Variants in ITFG1 observed in about 807,000 individuals in gnomAD.
ITFG1 encodes the protein integrin alpha FG-GAP repeat containing 1.
Under a neutral mutation model 81.8 loss-of-function variants are expected in ITFG1, and 34 were observed. The observed-to-expected ratio is 0.42, with a 90% CI of 0.32 to 0.55. The LOEUF is 0.55. Ranked by LOEUF, ITFG1 falls within the 20% of genes least tolerant of loss-of-function variation. The probability of loss-of-function intolerance (pLI) is 0.17; values close to 1 mark genes in which losing one functional copy is unlikely to be tolerated. For missense variants in ITFG1, 672 were observed against 755.4 expected (o/e 0.89, Z 1.29); for synonymous variants, 285 against 270.6 (o/e 1.05, Z -0.52).
chr16:47,262,148 T>C (rs1211644877), intron 10 of ITFG1, among the ~76,000 whole-genome samples: 1 of 152,228 alleles, frequency 6.6e-6, no homozygotes, highest in Non-Finnish European at 1.5e-5. Flanking sequence ...AAATATATGA[T>C]TGGATTCAAA....
intron 6 of ITFG1, among the ~76,000 whole-genome samples, chr16:47,382,933 A>T (rs546225975): frequency 1.3e-5 from 2 of 152,224 alleles, no homozygotes; most frequent in African/African-American, 2.4e-5. Context: ...GGAGAAATGT[A>T]ATCAAGACAA....
intron 14 of ITFG1, among the ~76,000 whole-genome samples, chr16:47,180,640 C>A (rs893512136): frequency 6.6e-6 from 1 of 152,192 alleles, no homozygotes; most frequent in African/African-American, 2.4e-5. Context: ...CAGCCTCGGC[C>A]TCCCGAGGTG....
At chr16:47,173,809 G>C (rs1010623064) in intron 14 of ITFG1, among the ~76,000 whole-genome samples, 1 of 152,220 alleles carries the variant, frequency 6.6e-6, no homozygotes, top group African/African-American at 2.4e-5. Flanking sequence ...GGGAGGCTGA[G>C]GTGGGTGGAT....
chr16:47,291,196 T>A (rs77903195), intron 10 of ITFG1, among the ~76,000 whole-genome samples: 1 of 152,226 alleles, frequency 6.6e-6, no homozygotes, highest in African/African-American at 2.4e-5. Flanking sequence ...GGTCGTATCA[T>A]GTAAAACAAT....
chr16:47,232,869 G>A (rs1347194989), intron 13 of ITFG1, among the ~76,000 whole-genome samples: 1 of 151,950 alleles, frequency 6.6e-6, no homozygotes, highest in African/African-American at 2.4e-5. Flanking sequence ...TCAAACTCCT[G>A]GGCTCAAGAG....
chr16:47,182,339 TG>T lies in ITFG1; in HGVS notation c.1454-19676del, dbSNP rs1379832945. ...AAAATATGAGATGTCTAGTAGACGA[TG>T]GGAATCAAAAATTAAAGAGACAACT... On this transcript the variant is annotated intron_variant, in intron 14 of 17. Coordinates refer to ENST00000320640, the MANE Select transcript of ITFG1 (RefSeq NM_030790.5). 2.0e-5 allele frequency among the ~76,000 whole-genome samples: 3 copies of T among 151,246 alleles called. No homozygotes were observed. The East Asian group carries it at 5.8e-4, about 29-fold the overall frequency.
intron 10 of ITFG1, chr16:47,263,284 T>C: frequency 4.5e-6 from 2 of 446,184 alleles, no homozygotes; most frequent in Admixed American, 2.4e-5. Context: ...TGTATGCTTA[T>C]GGGGTTATGA....
At chr16:47,446,741 G>A (rs1969329156) in intron 5 of ITFG1, among the ~76,000 whole-genome samples, 1 of 152,028 alleles carries the variant, frequency 6.6e-6, no homozygotes, top group African/African-American at 2.4e-5. Flanking sequence ...TAATGAAAGA[G>A]GACTTAATCT....
rs145455329 is a variant in ITFG1 at position 47,373,431 on chromosome 16, A to G, written c.720+2445T>C. Among the ~76,000 whole-genome samples, 638 of 152,142 alleles carry G rather than the reference A, an allele frequency of 4.2e-3. 6 individuals are homozygous for G. Among genetic ancestry groups the G allele is most frequent in the African/African-American group, 0.015 (609 of 41,500 alleles). Reference sequence around the variant, plus strand: ...CGAATAGCTGGGACTACAGGTGTGCACCACTATACCAAGCTAATTTTCTAT... The same window carrying G: ...CGAATAGCTGGGACTACAGGTGTGCGCCACTATACCAAGCTAATTTTCTAT... On this transcript the variant is annotated intron_variant, in intron 7 of 17. Transcript: ENST00000320640.
At chr16:47,243,318 G>A (rs994296448) in intron 12 of ITFG1, among the ~76,000 whole-genome samples, 4 of 152,088 alleles carry the variant, frequency 2.6e-5, no homozygotes, top group Non-Finnish European at 1.5e-5. Flanking sequence ...GAGTAAAAGG[G>A]AGACCTACTT....
intron 6 of ITFG1, among the ~76,000 whole-genome samples, chr16:47,414,073 G>T (rs1397521412): frequency 6.6e-6 from 1 of 151,120 alleles, no homozygotes; most frequent in Non-Finnish European, 1.5e-5. Context: ...CACCCACCTT[G>T]GCCTCCCAAA....
intron 6 of ITFG1, among the ~76,000 whole-genome samples, chr16:47,419,753 C>T (rs1968920718): frequency 6.6e-6 from 1 of 151,826 alleles, no homozygotes; most frequent in Non-Finnish European, 1.5e-5. Flanking sequence ...CAAATGCCCA[C>T]AGTCATGCCC....
chr16:47,185,759 C>T (rs1965202523), intron 14 of ITFG1, among the ~76,000 whole-genome samples: 1 of 152,100 alleles, frequency 6.6e-6, no homozygotes, highest in South Asian at 2.1e-4. Context: ...TAACTAAAAT[C>T]AGAGCAGAAC....
intron 6 of ITFG1, among the ~76,000 whole-genome samples, chr16:47,392,121 G>C (rs1487606604): frequency 1.3e-5 from 2 of 152,172 alleles, no homozygotes; most frequent in African/African-American, 4.8e-5. Context: ...ATTGAGTAAA[G>C]ATCTGAAGGA....
intron 6 of ITFG1, among the ~76,000 whole-genome samples, chr16:47,401,303 T>C (rs1596959028): frequency 1.3e-5 from 2 of 152,288 alleles, no homozygotes; most frequent in East Asian, 1.9e-4. Flanking sequence ...TGTTGAAATA[T>C]CTGTGGGATA....
chr16:47,334,359 T>C (rs1302763805), intron 8 of ITFG1, among the ~76,000 whole-genome samples: 1 of 151,998 alleles, frequency 6.6e-6, no homozygotes, highest in Non-Finnish European at 1.5e-5. Flanking sequence ...CCTGGGGAGG[T>C]TGAGGCTGCA....
chr16:47,340,999 A>G (rs1361831650), intron 8 of ITFG1, among the ~76,000 whole-genome samples: 1 of 152,188 alleles, frequency 6.6e-6, no homozygotes, highest in African/African-American at 2.4e-5. Context: ...CACATTCTCT[A>G]ATCACAATGG....
chr16:47,414,347 A>C (rs1472959914), intron 6 of ITFG1, among the ~76,000 whole-genome samples: 1 of 151,882 alleles, frequency 6.6e-6, no homozygotes, highest in Non-Finnish European at 1.5e-5. Flanking sequence ...AACAGGGTGA[A>C]ACCCTGTATC....
At chr16:47,334,700 C>T (rs1395318710) in intron 8 of ITFG1, among the ~76,000 whole-genome samples, 3 of 152,132 alleles carry the variant, frequency 2.0e-5, no homozygotes, top group Non-Finnish European at 4.4e-5. Context: ...GCAGCTCCTT[C>T]CCCACCCTGA....
Sources: gnomAD v4.1 joint callset for allele counts (sites outside exome capture counted in the v4.1 genomes callset) on GRCh38, gnomAD v4.1.1 for gene constraint, MANE v1.5 for transcripts, NCBI Gene and HGNC (gene_info 2026-07-23, HGNC 2026-07-21) for gene names.